GYS2: variants seen among roughly 807,000 people sequenced by gnomAD.
GYS2 encodes glycogen synthase 2.
Under a neutral mutation model 85.6 loss-of-function variants are expected in GYS2, and 80 were observed. The observed-to-expected ratio is 0.93, with a 90% CI of 0.78 to 1.13. The LOEUF (loss-of-function observed/expected upper bound fraction) is 1.13, where lower values mean the gene tolerates loss of function less well. Among genes scored for constraint, GYS2 ranks in the 50% most tolerant of loss-of-function variants. The pLI, the probability that GYS2 is intolerant of heterozygous loss-of-function variation, is 0.00. For missense variants in GYS2, 881 were observed against 854.9 expected (o/e 1.03, Z -0.38); for synonymous variants, 328 against 300.7 (o/e 1.09, Z -0.94).
At position 21,559,677 on chromosome 12, in the gene GYS2, T is replaced by C. The variant is rs1292750694; in HGVS notation, c.1203A>G (p.Gly401=). ...DVAHSVKEKF[G]KKLYDALLRG... ...TTAATAATGCATCATAGAGTTTTTT[T>C]CCAAACTTTTCCTTCACAGAATGTG... Residue 401 remains glycine (G), a synonymous_variant, in exon 9 of 16, where the codon GGA becomes GGG. Coordinates refer to ENST00000261195, the MANE Select transcript of GYS2 (RefSeq NM_021957.4). 3 of 1,593,146 alleles carry C rather than the reference T, an allele frequency of 1.9e-6. No individual in the cohort carries two copies. Among genetic ancestry groups the C allele is most frequent in the East Asian group, 2.2e-5 (1 of 44,670 alleles).
At chr12:21,600,452 G>A (rs1028764094) in intron 1 of GYS2, among the ~76,000 whole-genome samples, 1 of 152,014 alleles carries the variant, frequency 6.6e-6, no homozygotes, top group Non-Finnish European at 1.5e-5. Context: ...AAAGTGGTGG[G>A]GGGTAGGAGA....
At chr12:21,589,683 G>T (rs1342646407) in intron 1 of GYS2, among the ~76,000 whole-genome samples, 1 of 152,120 alleles carries the variant, frequency 6.6e-6, no homozygotes, top group Non-Finnish European at 1.5e-5. Context: ...ACTCCCAGTG[G>T]TCCACATCTG....
intron 1 of GYS2, among the ~76,000 whole-genome samples, chr12:21,586,132 G>C (rs1193482814): frequency 6.6e-6 from 1 of 152,140 alleles, no homozygotes; most frequent in Non-Finnish European, 1.5e-5. Flanking sequence ...GGGAAAGGCA[G>C]ACCCACCCTT....
At position 21,539,175 on chromosome 12, in the gene GYS2, A is replaced by G; in HGVS notation, c.1890+83T>C. On this transcript the variant is annotated intron_variant, in intron 15 of 15. Transcript: ENST00000261195. ...TGAAAAAGTATCATAGCTTGTGTGC[A>G]TAGCTACTTCCAAATTTAAATGTAT... 2 of 804,142 alleles carry G rather than the reference A, an allele frequency of 2.5e-6. 1 individual carries two copies. Among genetic ancestry groups the G allele is most frequent in the South Asian group, 2.9e-5 (2 of 69,964 alleles). The allele number at this position is 804,142 out of a possible 1,614,324, so 49.8% of individuals were successfully genotyped here.
intron 1 of GYS2, among the ~76,000 whole-genome samples, chr12:21,586,243 C>T (rs11046130): frequency 0.046 from 6,968 of 152,194 alleles, 245 homozygotes; most frequent in Non-Finnish European, 0.071. Flanking sequence ...AGCCTCCAAG[C>T]CTACATCTTT....
intron 1 of GYS2, among the ~76,000 whole-genome samples, chr12:21,597,022 A>G (rs1944704151): frequency 6.6e-6 from 1 of 152,094 alleles, no homozygotes; most frequent in Admixed American, 6.6e-5. Flanking sequence ...ATGGCCTAAT[A>G]CAACCCCTAT....
chr12:21,579,128 G>C (rs777647879), intron 2 of GYS2, among the ~76,000 whole-genome samples: 1 of 152,098 alleles, frequency 6.6e-6, no homozygotes, highest in Non-Finnish European at 1.5e-5. Flanking sequence ...GTCCTTTGCT[G>C]ACTTAATCCC....
chr12:21,557,627 C>T (rs955633920), intron 11 of GYS2, among the ~76,000 whole-genome samples: 2 of 152,112 alleles, frequency 1.3e-5, no homozygotes, highest in African/African-American at 4.8e-5. Context: ...TGGCCGGGCG[C>T]GGTGGCTCAC....
At chr12:21,591,336 T>C (rs1332699521) in intron 1 of GYS2, among the ~76,000 whole-genome samples, 2 of 152,054 alleles carry the variant, frequency 1.3e-5, no homozygotes, top group Non-Finnish European at 1.5e-5. Flanking sequence ...CTGAAGAGTT[T>C]ATTGAAAGAA....
intron 15 of GYS2, among the ~76,000 whole-genome samples, chr12:21,538,440 A>G (rs1389156101): frequency 5.3e-5 from 8 of 152,212 alleles, no homozygotes; most frequent in Non-Finnish European, 1.0e-4. Context: ...GAATCTCTGA[A>G]TGACTCTTAT....
chr12:21,594,241 C>T (rs1944671174), intron 1 of GYS2, among the ~76,000 whole-genome samples: 1 of 152,030 alleles, frequency 6.6e-6, no homozygotes, highest in Admixed American at 6.6e-5. Flanking sequence ...TACTGGAAGT[C>T]CTAGCCACAG....
At chr12:21,597,787 T>G (rs1032855634) in intron 1 of GYS2, among the ~76,000 whole-genome samples, 2 of 152,138 alleles carry the variant, frequency 1.3e-5, no homozygotes, top group African/African-American at 4.8e-5. Flanking sequence ...AGCAAAGATA[T>G]GGAATCAACC....
At chr12:21,566,096 C>A (rs1232118976) in intron 5 of GYS2, among the ~76,000 whole-genome samples, 3 of 152,114 alleles carry the variant, frequency 2.0e-5, no homozygotes, top group Non-Finnish European at 4.4e-5. Context: ...TTTTCAACAT[C>A]TTAAACTATT....
At chr12:21,560,591 A>T (rs976656947) in intron 7 of GYS2, 99 bp from the exon 8 acceptor site, 3 of 741,188 alleles carry the variant, frequency 4.0e-6, no homozygotes, top group African/African-American at 3.5e-5. Flanking sequence ...TTAAAATATC[A>T]GTAGATAAAA....
At chr12:21,543,911 T>A (rs1021662338) in intron 12 of GYS2, among the ~76,000 whole-genome samples, 1 of 152,226 alleles carries the variant, frequency 6.6e-6, no homozygotes, top group Non-Finnish European at 1.5e-5. Flanking sequence ...CACATATGTA[T>A]ACAAAATTTT....
intron 11 of GYS2, 26 bp downstream of exon 11, chr12:21,558,174 T>A: frequency 7.8e-7 from 1 of 1,279,746 alleles, no homozygotes; most frequent in Non-Finnish European, 1.1e-6. Flanking sequence ...AAGTTTAAAG[T>A]TCGCCACATG....
At position 21,539,283 on chromosome 12, in the gene GYS2, T is replaced by C. The variant is rs372925801; in HGVS notation, c.1865A>G (p.His622Arg). The C allele has an allele frequency of 4.4e-6, 7 of 1,599,722 alleles. No homozygotes were observed. The highest frequency in any genetic ancestry group is 1.1e-5 in the South Asian group (1 of 90,750). The change falls in exon 15 of 16, where the codon CAT becomes CGT. Residue 622 changes from histidine to arginine, a missense_variant. Coordinates refer to ENST00000261195, the MANE Select transcript of GYS2 (RefSeq NM_021957.4). ...CGTTGGTGGTGATGTTAGTTCCACA[T>C]GGAATTTATCTGGAAAAGCTCTGCT... ...TLSRAFPDKF[H>R]VELTSPPTTE...
chr12:21,548,312 A>G (rs1190575226), intron 11 of GYS2, among the ~76,000 whole-genome samples: 1 of 152,236 alleles, frequency 6.6e-6, no homozygotes, highest in South Asian at 2.1e-4. Flanking sequence ...TTTTCATTCT[A>G]TAAATACTCC....
intron 4 of GYS2, among the ~76,000 whole-genome samples, chr12:21,570,633 A>C (rs2136897256): frequency 6.6e-6 from 1 of 152,386 alleles, no homozygotes; most frequent in South Asian, 2.1e-4. Context: ...AGCTGCCCTA[A>C]AGAACAAGTA....
Sources: allele counts gnomAD v4.1 joint callset (sites outside exome capture counted in the v4.1 genomes callset), GRCh38; gene constraint gnomAD v4.1.1; transcripts MANE v1.5; gene names NCBI Gene and HGNC (gene_info 2026-07-23, HGNC 2026-07-21).